The following VPS45 variants were observed in gnomAD, a reference collection of about 807,000 sequenced individuals.
VPS45 encodes vacuolar protein sorting-associated protein 45.
A neutral mutation model predicts 75.9 loss-of-function variants in VPS45; 35 were observed. The ratio of observed to expected loss-of-function variants is 0.46; its 90% CI spans 0.35 to 0.61. The LOEUF (loss-of-function observed/expected upper bound fraction) is 0.61, where lower values mean the gene tolerates loss of function less well. VPS45 is among the 20% of genes least tolerant of loss of function. The probability of loss-of-function intolerance (pLI) is 0.00; values close to 1 mark genes in which losing one functional copy is unlikely to be tolerated. For missense variants in VPS45, 559 were observed against 685.9 expected (o/e 0.81, Z 2.07); for synonymous variants, 220 against 238.2 (o/e 0.92, Z 0.70).
rs1553799782 is a variant in VPS45 at position 150,082,883 on chromosome 1, G to C, written c.1104G>C (p.Gln368His). Residue 368 changes from glutamine to histidine, a missense_variant and splice_region_variant, in exon 10 of 15, where the codon CAG (glutamine) becomes CAC (histidine). Gln to His is a conservative substitution (Grantham distance 24, BLOSUM62 0). Coordinates refer to ENST00000644510, the MANE Select transcript of VPS45 (RefSeq NM_007259.5). Reference protein sequence around the residue: ...ACQNDHSSALQNIKRLLQNPK... With the variant: ...ACQNDHSSALHNIKRLLQNPK... The stretch of plus-strand genomic sequence containing the variant: ...AAAATGACCATTCTAGTGCTCTCCA[G>C]GTCAGTCCAATTTGATGAGCACCTA... 1 of 1,613,008 alleles carries C rather than the reference G, an allele frequency of 6.2e-7. No individual in the cohort carries two copies.
At chr1:150,072,839 A>T (rs1367461970) in intron 3 of VPS45, among the ~76,000 whole-genome samples, 1 of 152,092 alleles carries the variant, frequency 6.6e-6, no homozygotes, top group South Asian at 2.1e-4. Context: ...AAAAAAGTAT[A>T]TACTTATCCC....
chr1:150,081,135 A>G (rs1288528871), intron 7 of VPS45, among the ~76,000 whole-genome samples: 1 of 152,224 alleles, frequency 6.6e-6, no homozygotes, highest in Non-Finnish European at 1.5e-5. Flanking sequence ...ATGAAATCTA[A>G]AAGTATTTTG....
rs145838296 is a variant in VPS45 at position 150,107,206 on chromosome 1, G to A, written c.1494-3290G>A. On this transcript the variant is annotated intron_variant, in intron 13 of 14. Coordinates refer to ENST00000644510, the MANE Select transcript of VPS45 (RefSeq NM_007259.5). ...CCATGGCTTCAGCTACCACATATTC[G>A]GGGAAAGCACTAGACCTGAATATAC... 2.8e-3 allele frequency among the ~76,000 whole-genome samples: 427 copies of A among 152,088 alleles called. 1 individual carries two copies. The highest frequency in any genetic ancestry group is 0.027 in the Middle Eastern group (8 of 294).
At chr1:150,102,613 G>A (rs587659943) in intron 13 of VPS45, among the ~76,000 whole-genome samples, 3 of 150,136 alleles carry the variant, frequency 2.0e-5, no homozygotes, top group African/African-American at 4.9e-5. Flanking sequence ...GTTAAGACAC[G>A]GAATCAACCT....
At chr1:150,076,339 C>T (rs1458928892) in intron 4 of VPS45, 27 bp downstream of exon 4, 11 of 1,554,552 alleles carry the variant, frequency 7.1e-6, no homozygotes, top group Non-Finnish European at 9.7e-6. Context: ...TGTAACACAT[C>T]TCGTATGTTG....
intron 10 of VPS45, among the ~76,000 whole-genome samples, chr1:150,087,729 A>C (rs1414095928): frequency 6.6e-6 from 1 of 152,200 alleles, no homozygotes; most frequent in East Asian, 1.9e-4. Context: ...TTGTACCTAC[A>C]GGTTTCTTTT....
chr1:150,076,409 A>C lies in VPS45; in HGVS notation c.369+97A>C. 3.3e-6 allele frequency: 3 copies of C among 917,298 alleles called. No individual in the cohort carries two copies. The South Asian group carries it at 6.2e-5, about 19-fold the overall frequency. 56.8% of individuals were successfully genotyped at this position (917,298 alleles called of 1,614,324 possible). On this transcript the variant is annotated intron_variant, in intron 4 of 14. Transcript: ENST00000644510. ...ATAAGGAAAGGTCTGTCTCAAAAGA[A>C]GTTTTATTATGAATACTTGAATATG...
chr1:150,068,853 A>G, intron 2 of VPS45, 89 bp downstream of exon 2: 2 of 1,303,794 alleles, frequency 1.5e-6, no homozygotes, highest in African/African-American at 1.5e-5. Context: ...AATTTGTATT[A>G]TCATAATTTG....
chr1:150,119,746 G>C lies in VPS45; in HGVS notation c.1625+9119G>C, dbSNP rs587707894. ...TAATACAGAAGCTACTATCCTTCCA[G>C]AATAGGAAATGTCTATTGTGGAATA... On this transcript the variant is annotated intron_variant, in intron 14 of 14. Transcript: ENST00000644510. Among the ~76,000 whole-genome samples the C allele has an allele frequency of 2.6e-5, 4 of 152,302 alleles. No homozygotes were observed. The South Asian group carries it at 8.3e-4, about 32-fold the overall frequency.
intron 14 of VPS45, among the ~76,000 whole-genome samples, chr1:150,140,108 G>C (rs1158465783): frequency 6.6e-6 from 1 of 151,888 alleles, no homozygotes; most frequent in Non-Finnish European, 1.5e-5. Context: ...TGGTCAAGCT[G>C]ATCTGAAACT....
chr1:150,126,057 C>T (rs1283097305), intron 14 of VPS45, among the ~76,000 whole-genome samples: 2 of 151,898 alleles, frequency 1.3e-5, no homozygotes, highest in African/African-American at 2.4e-5. Flanking sequence ...GTCCCCATCT[C>T]GGTGGGGACA....
chr1:150,133,776 C>A (rs1432715160), intron 14 of VPS45, among the ~76,000 whole-genome samples: 4 of 152,126 alleles, frequency 2.6e-5, no homozygotes. Context: ...CAGATGATAA[C>A]CACCTTTCAG....
At chr1:150,138,163 TGTC>T (rs1420562701) in intron 14 of VPS45, among the ~76,000 whole-genome samples, 1 of 152,194 alleles carries the variant, frequency 6.6e-6, no homozygotes, top group Non-Finnish European at 1.5e-5. Flanking sequence ...AAATCGCTGT[TGTC>T]AGGGTCCCTA....
At chr1:150,095,206 C>T (rs1160033366) in intron 13 of VPS45, among the ~76,000 whole-genome samples, 2 of 152,092 alleles carry the variant, frequency 1.3e-5, no homozygotes, top group Non-Finnish European at 2.9e-5. Context: ...TAAGTGCTAT[C>T]CAGGAAATAA....
intron 14 of VPS45, among the ~76,000 whole-genome samples, chr1:150,117,337 C>T (rs1049818169): frequency 5.4e-5 from 8 of 149,504 alleles, no homozygotes; most frequent in African/African-American, 2.0e-4. Context: ...GCCTGGCCAA[C>T]ATGGGGAAAC....
intron 11 of VPS45, 83 bp downstream of exon 11, chr1:150,092,178 T>C (rs1553802056): frequency 6.5e-7 from 1 of 1,527,046 alleles, no homozygotes; most frequent in Non-Finnish European, 8.9e-7. Context: ...TAAATCATAC[T>C]ATTTTTATTT....
chr1:150,131,713 G>A (rs1198790839), intron 14 of VPS45, among the ~76,000 whole-genome samples: 1 of 151,310 alleles, frequency 6.6e-6, no homozygotes, highest in African/African-American at 2.4e-5. Flanking sequence ...ATGCATGATG[G>A]CATGCACCTG....
intron 14 of VPS45, among the ~76,000 whole-genome samples, chr1:150,130,197 A>AATTT (rs1553811978): frequency 7.0e-5 from 1 of 14,298 alleles, no homozygotes; most frequent in Non-Finnish European, 1.3e-4. Flanking sequence ...ACACACACAC[A>AATTT]CTTTTTTTTT....
intron 13 of VPS45, among the ~76,000 whole-genome samples, chr1:150,100,514 A>G (rs1234900010): frequency 6.6e-6 from 1 of 152,186 alleles, no homozygotes; most frequent in East Asian, 1.9e-4. Context: ...AAAAAACGCC[A>G]AAATAGCCAA....
Sources: allele counts gnomAD v4.1 joint callset (sites outside exome capture counted in the v4.1 genomes callset), GRCh38; gene constraint gnomAD v4.1.1; transcripts MANE v1.5; gene names NCBI Gene and HGNC (gene_info 2026-07-23, HGNC 2026-07-21).